Variants in ZNRF3 observed in about 807,000 individuals in gnomAD.
ZNRF3 encodes the protein E3 ubiquitin-protein ligase ZNRF3.
ZNRF3 carries 23 observed loss-of-function variants against 72.5 expected under a neutral mutation model. The ratio of observed to expected loss-of-function variants is 0.32; its 90% CI spans 0.23 to 0.45. The LOEUF is 0.45. ZNRF3 is among the 20% of genes least tolerant of loss of function. The pLI is 1.00. For synonymous variants in ZNRF3, 610 were observed against 545.3 expected (o/e 1.12, Z -1.65); for missense variants, 1,169 against 1,272.1 (o/e 0.92, Z 1.23).
At chr22:28,960,892 C>T (rs1165342890) in intron 1 of ZNRF3, among the ~76,000 whole-genome samples, 1 of 152,210 alleles carries the variant, frequency 6.6e-6, no homozygotes, top group East Asian at 1.9e-4. Context: ...GTAGAAGCTA[C>T]ATCATCCTTG....
At chr22:28,886,199 C>T (rs928139907) in intron 1 of ZNRF3, among the ~76,000 whole-genome samples, 4 of 152,186 alleles carry the variant, frequency 2.6e-5, no homozygotes, top group African/African-American at 9.7e-5. Context: ...CAAAGGCTAG[C>T]ATGCTTTTAT....
At chr22:28,958,258 T>C (rs570978872) in intron 1 of ZNRF3, among the ~76,000 whole-genome samples, 4 of 152,370 alleles carry the variant, frequency 2.6e-5, no homozygotes, top group African/African-American at 9.6e-5. Flanking sequence ...CATGGAACAA[T>C]GAGTTTTGTC....
chr22:29,020,759 G>GTTTTTTTTTTTT (rs762825720), intron 2 of ZNRF3, among the ~76,000 whole-genome samples: 1 of 140,060 alleles, frequency 7.1e-6, no homozygotes, highest in South Asian at 2.3e-4. Flanking sequence ...GAGGGGCTTT[G>GTTTTTTTTTTTT]TTTTTGTGTG....
intron 2 of ZNRF3, among the ~76,000 whole-genome samples, chr22:29,039,132 T>C (rs2036913944): frequency 6.6e-6 from 1 of 152,166 alleles, no homozygotes. Flanking sequence ...ATGTCCTAGA[T>C]TTTGTGAAAA....
rs888120319 is a variant in ZNRF3, at chr22:29,054,858, A to T, written c.*1236A>T. 6.7e-6 allele frequency: 1 copy of T among 149,308 alleles called. No homozygotes were observed. Among genetic ancestry groups the T allele is most frequent in the African/African-American group, 2.5e-5 (1 of 40,084 alleles). The allele number at this position is 149,308 out of a possible 1,614,324, so 9.2% of individuals were successfully genotyped here. A position where few individuals can be genotyped will look rare whatever the true frequency, so the allele number is the denominator to read the frequency against. ...ATACCTTTCCTATCCCATTTCCCCC[A>T]CGGAAGCACCGCTTCAGGGTTATTC... On this transcript the variant is annotated 3_prime_UTR_variant, in exon 9 of 9. Coordinates refer to ENST00000544604, the MANE Select transcript of ZNRF3 (RefSeq NM_001206998.2).
chr22:28,929,042 A>G (rs1475908383), intron 1 of ZNRF3, among the ~76,000 whole-genome samples: 1 of 152,178 alleles, frequency 6.6e-6, no homozygotes, highest in Admixed American at 6.5e-5. Flanking sequence ...CACTTTCCTA[A>G]CCATCCATGA....
At chr22:28,986,183 A>T (rs975296237) in intron 1 of ZNRF3, among the ~76,000 whole-genome samples, 3 of 152,208 alleles carry the variant, frequency 2.0e-5, no homozygotes, top group African/African-American at 7.2e-5. Flanking sequence ...AGATTAGGAC[A>T]TAGATATCTT....
At chr22:28,928,129 T>A (rs1038583644) in intron 1 of ZNRF3, among the ~76,000 whole-genome samples, 1 of 152,236 alleles carries the variant, frequency 6.6e-6, no homozygotes, top group Non-Finnish European at 1.5e-5. Context: ...AACCTTCTCT[T>A]TTGGTCTGTA....
chr22:28,909,747 A>ATTTT (rs11432409), intron 1 of ZNRF3, among the ~76,000 whole-genome samples: 1 of 113,872 alleles, frequency 8.8e-6, no homozygotes, highest in Non-Finnish European at 1.8e-5. Context: ...TGCCTGGCTA[A>ATTTT]TTTTTTTTTT....
In ZNRF3 at chr22:28,884,033, G is replaced by A; in HGVS notation, c.267G>A (p.Gly89=). The change falls in exon 1 of 9, where the codon GGG becomes GGA. Residue 89 remains glycine (G), a synonymous_variant. Transcript: ENST00000544604. ...TGLTGRFSRA[G]ATLSAEGEIV... ...TCACGGGCCGCTTCTCGCGGGCCGG[G>A]GCCACGCTCAGCGCCGAGGGCGAGA... The A allele has an allele frequency of 7.7e-7, 1 of 1,302,662 alleles. No individual in the cohort carries two copies. The highest frequency in any genetic ancestry group is 9.9e-7 in the Non-Finnish European group (1 of 1,007,000). 80.7% of individuals were successfully genotyped at this position (1,302,662 alleles called of 1,614,324 possible).
intron 2 of ZNRF3, among the ~76,000 whole-genome samples, chr22:29,009,336 C>A (rs777894081): frequency 6.6e-6 from 1 of 151,724 alleles, no homozygotes; most frequent in Non-Finnish European, 1.5e-5. Flanking sequence ...CTTGACTGGG[C>A]GTGATGGTTT....
intron 1 of ZNRF3, among the ~76,000 whole-genome samples, chr22:28,889,284 C>G (rs1024868150): frequency 6.6e-6 from 1 of 152,172 alleles, no homozygotes; most frequent in Non-Finnish European, 1.5e-5. Context: ...AGTCCATGAA[C>G]TCCTGCAAGT....
chr22:28,970,603 A>T (rs2035554302), intron 1 of ZNRF3, among the ~76,000 whole-genome samples: 1 of 152,234 alleles, frequency 6.6e-6, no homozygotes, highest in African/African-American at 2.4e-5. Context: ...AGTGGAAACA[A>T]TCCAATGTCC....
intron 6 of ZNRF3, among the ~76,000 whole-genome samples, chr22:29,047,840 T>C (rs758972859): frequency 5.3e-5 from 8 of 152,128 alleles, no homozygotes; most frequent in Non-Finnish European, 8.8e-5. Flanking sequence ...ATAGGCTGCT[T>C]TTCTTATAAA....
At chr22:29,021,019 A>G (rs1340669619) in intron 2 of ZNRF3, among the ~76,000 whole-genome samples, 2 of 151,958 alleles carry the variant, frequency 1.3e-5, no homozygotes, top group African/African-American at 4.8e-5. Flanking sequence ...GATGGTCTCT[A>G]TCTCTTGAGC....
intron 1 of ZNRF3, among the ~76,000 whole-genome samples, chr22:28,919,604 A>G (rs1322201680): frequency 6.7e-6 from 1 of 148,724 alleles, no homozygotes. Context: ...CAGTGGTGCG[A>G]TCTTGGCTCA....
Position 29,043,431 on chromosome 22 carries a change from G to T in ZNRF3, c.633+1G>T. ...AAGGATCCAGCACCGCCCTCCTCGA[G>T]TGAGCCTCCGCACCATTTGGCACAG... On this transcript the variant is annotated splice_donor_variant, in intron 4 of 8. Coordinates refer to ENST00000544604, the MANE Select transcript of ZNRF3 (RefSeq NM_001206998.2). LOFTEE classifies it high-confidence loss of function. 6.2e-7 allele frequency: 1 copy of T among 1,613,104 alleles called. No homozygotes were observed. Among genetic ancestry groups the T allele is most frequent in the Non-Finnish European group, 8.5e-7 (1 of 1,179,956 alleles).
chr22:28,975,193 C>A (rs1344746294), intron 1 of ZNRF3, among the ~76,000 whole-genome samples: 1 of 151,886 alleles, frequency 6.6e-6, no homozygotes, highest in Non-Finnish European at 1.5e-5. Context: ...CCGAGGCGGG[C>A]GGATCATGAC....
chr22:28,930,715 G>T (rs1435543859), intron 1 of ZNRF3, among the ~76,000 whole-genome samples: 2 of 152,242 alleles, frequency 1.3e-5, no homozygotes, highest in Non-Finnish European at 2.9e-5. Flanking sequence ...TGCTGAGCCT[G>T]AGATGTGCAC....
Sources: allele counts gnomAD v4.1 joint callset (sites outside exome capture counted in the v4.1 genomes callset), GRCh38; gene constraint gnomAD v4.1.1; transcripts MANE v1.5; gene names NCBI Gene and HGNC (gene_info 2026-07-23, HGNC 2026-07-21).